SGSM3: variants seen among roughly 807,000 people sequenced by gnomAD.
The protein encoded by SGSM3 is RUN and SH3 containing 3.
A neutral mutation model predicts 100.5 loss-of-function variants in SGSM3; 96 were observed. The observed-to-expected ratio is 0.96, with a 90% CI of 0.81 to 1.13. The LOEUF is 1.13. Ranked by LOEUF, SGSM3 falls within the 50% of genes most tolerant of loss-of-function variation. SGSM3 has a pLI of 0.00. For missense variants in SGSM3, 1,001 were observed against 1,015.8 expected (o/e 0.99, Z 0.20); for synonymous variants, 483 against 422.8 (o/e 1.14, Z -1.75).
chr22:40,373,181 C>T (rs2045914944), intron 1 of SGSM3, among the ~76,000 whole-genome samples: 1 of 152,160 alleles, frequency 6.6e-6, no homozygotes, highest in African/African-American at 2.4e-5. Context: ...GTGACAGGGC[C>T]AGAATTTAAG....
At position 40,399,271 on chromosome 22, in the gene SGSM3, C is replaced by T. The variant is rs1419833083; in HGVS notation, c.-111-1425C>T. ...AAAGTGCTGGGATTACAGGCGTGAG[C>T]CACCGCGCCCAGCCAAGATGTCTTT... On this transcript the variant is annotated intron_variant, in intron 1 of 21. Coordinates refer to ENST00000248929, the MANE Select transcript of SGSM3 (RefSeq NM_015705.6). Among the ~76,000 whole-genome samples the T allele has an allele frequency of 3.3e-5, 5 of 152,036 alleles. No homozygotes were observed. The East Asian group carries it at 9.7e-4, about 30-fold the overall frequency.
intron 7 of SGSM3, 48 bp from the exon 8 acceptor site, chr22:40,405,601 C>A: frequency 6.5e-7 from 1 of 1,549,840 alleles, no homozygotes; most frequent in East Asian, 2.3e-5. Flanking sequence ...CTTTTCTAAT[C>A]TGCACAAAGA....
intron 1 of SGSM3, among the ~76,000 whole-genome samples, chr22:40,389,600 GAAAAAAAAAAAAA>G (rs71326802): frequency 5.9e-5 from 2 of 33,644 alleles, no homozygotes; most frequent in African/African-American, 1.3e-4. Flanking sequence ...CTCCGTCTCA[GAAAAAAAAAAAAA>G]AAAAAAAAAA....
intron 3 of SGSM3, among the ~76,000 whole-genome samples, chr22:40,401,902 A>G (rs1170155595): frequency 5.3e-5 from 8 of 152,226 alleles, no homozygotes. Context: ...TCTTGCCTTG[A>G]TTTTATTATC....
At chr22:40,394,176 C>T (rs2049742243) in intron 1 of SGSM3, among the ~76,000 whole-genome samples, 1 of 152,218 alleles carries the variant, frequency 6.6e-6, no homozygotes, top group South Asian at 2.1e-4. Flanking sequence ...CTAGTTCTGA[C>T]ATCTGTGAAC....
chr22:40,406,469 C>A lies in SGSM3; in HGVS notation c.992C>A (p.Ala331Asp), dbSNP rs1205030438. The A allele has an allele frequency of 6.3e-7, 1 of 1,597,404 alleles. No homozygotes were observed. The highest frequency in any genetic ancestry group is 8.5e-7 in the Non-Finnish European group (1 of 1,169,762). ...EEELIQSENS[A>D]SIFNTLSDIP... ...GAGCTGATCCAGTCAGAGAACTCGG[C>A]CTCCATCTTCAACACGCTATCGGAT... The change falls in exon 10 of 22, where the codon GCC (alanine) becomes GAC (aspartate). Residue 331 changes from alanine to aspartate, a missense_variant. Coordinates refer to ENST00000248929, the MANE Select transcript of SGSM3 (RefSeq NM_015705.6).
intron 19 of SGSM3, 43 bp from the exon 20 acceptor site, chr22:40,409,207 G>A: frequency 6.4e-7 from 1 of 1,567,508 alleles, no homozygotes. Flanking sequence ...AGCCAGAAGG[G>A]CCTGGAGCTG....
chr22:40,376,434 G>C (rs2046616183), intron 1 of SGSM3: 1 of 151,916 alleles, frequency 6.6e-6, no homozygotes, highest in Non-Finnish European at 1.5e-5. Context: ...GATTACAGGT[G>C]CATGCCACTG....
intron 1 of SGSM3, among the ~76,000 whole-genome samples, chr22:40,375,014 C>T (rs578000795): frequency 6.6e-6 from 1 of 152,284 alleles, no homozygotes; most frequent in African/African-American, 2.4e-5. Flanking sequence ...TAATCACCTC[C>T]CCTTTTTGAA....
intron 1 of SGSM3, among the ~76,000 whole-genome samples, chr22:40,374,277 A>T (rs1387776727): frequency 6.6e-6 from 1 of 152,050 alleles, no homozygotes; most frequent in African/African-American, 2.4e-5. Context: ...ATAGTTTGAG[A>T]GTTGGGGAAG....
rs1409193856 is a variant in SGSM3, at chr22:40,405,693, C to G, written c.663C>G (p.Phe221Leu). 3 of 1,613,664 alleles carry G rather than the reference C, an allele frequency of 1.9e-6. No individual in the cohort carries two copies. The part of the protein sequence containing the change: ...LLLFLEEEDA[F>L]WMMSAIIEDL... ...TGTTCCTGGAGGAGGAGGACGCCTT[C>G]TGGATGATGTCTGCCATCATCGAGG... Residue 221 changes from phenylalanine (F) to leucine (L), a missense_variant, in exon 8 of 22, where the codon TTC becomes TTG. By Grantham distance (22) the Phe-to-Leu change is conservative (BLOSUM62 0). Coordinates refer to ENST00000248929, the MANE Select transcript of SGSM3 (RefSeq NM_015705.6).
At chr22:40,387,739 C>T (rs987182098) in intron 1 of SGSM3, among the ~76,000 whole-genome samples, 1 of 152,050 alleles carries the variant, frequency 6.6e-6, no homozygotes, top group East Asian at 1.9e-4. Flanking sequence ...TTATCCTTTC[C>T]GGAAACTGCC....
In SGSM3 at chr22:40,409,462, T is replaced by C. The variant is rs952245228; in HGVS notation, c.2112-3T>C. The stretch of plus-strand genomic sequence containing the variant: ...AGCCTTACCACCCCTTCCTCACCTC[T>C]AGAGTCCTCTGCTGCTTTGCCTTCA... On this transcript the variant is annotated splice_region_variant and splice_polypyrimidine_tract_variant and intron_variant, in intron 20 of 21. Transcript: ENST00000248929. 4 of 1,579,628 alleles carry C rather than the reference T, an allele frequency of 2.5e-6. No individual in the cohort carries two copies. Among genetic ancestry groups the C allele is most frequent in the African/African-American group, 2.7e-5 (2 of 73,268 alleles).
intron 4 of SGSM3, 69 bp from the exon 5 acceptor site, chr22:40,404,178 A>G: frequency 7.5e-7 from 1 of 1,333,174 alleles, no homozygotes; most frequent in Non-Finnish European, 1.0e-6. Context: ...CTGAAGACGG[A>G]GGCTTGGCTG....
rs1002229818 is a variant in SGSM3 at position 40,405,557 on chromosome 22, CT to C, written c.619-88del. 5.9e-5 allele frequency: 72 copies of C among 1,222,218 alleles called. No individual in the cohort carries two copies. In the African/African-American group the frequency reaches 9.4e-4, roughly 16 times the overall value. 75.7% of individuals were successfully genotyped at this position (1,222,218 alleles called of 1,614,324 possible). A position where few individuals can be genotyped will look rare whatever the true frequency, so the allele number is the denominator to read the frequency against. On this transcript the variant is annotated intron_variant, in intron 7 of 21. Coordinates refer to ENST00000248929, the MANE Select transcript of SGSM3 (RefSeq NM_015705.6). ...TCCAGCATGCGTGCCCCCCAAGAGG[CT>C]TTTGCTAATTGGTCTCCCTAGGGTA...
At chr22:40,388,362 A>G (rs901071150) in intron 1 of SGSM3, 3 of 152,238 alleles carry the variant, frequency 2.0e-5, no homozygotes, top group Non-Finnish European at 4.4e-5. Context: ...CTGTCTTTAC[A>G]TATTGCTGAG....
intron 1 of SGSM3, among the ~76,000 whole-genome samples, chr22:40,375,167 A>G (rs1479965727): frequency 6.6e-6 from 1 of 152,170 alleles, no homozygotes; most frequent in Non-Finnish European, 1.5e-5. Context: ...TGCTTTTTCT[A>G]AGTGTGATAC....
intron 4 of SGSM3, among the ~76,000 whole-genome samples, chr22:40,403,321 G>A (rs1360074826): frequency 1.3e-5 from 2 of 152,174 alleles, no homozygotes; most frequent in Admixed American, 6.6e-5. Flanking sequence ...GGGTTGCTGG[G>A]CTGCCACAGG....
Position 40,405,746 on chromosome 22 carries a change from C to T in SGSM3, c.716C>T (p.Thr239Ile). 1 of 1,613,822 alleles carries T rather than the reference C, an allele frequency of 6.2e-7. No homozygotes were observed. The stretch of plus-strand genomic sequence containing the variant: ...CTGCTCCCCGCCTCCTACTTCAGCA[C>T]CACCCTGCTGGGTGTCCAGACTGAC... ...EDLLPASYFS[T>I]TLLGVQTDQR... is the part of the protein sequence containing the mutation. Residue 239 changes from threonine (T) to isoleucine (I), a missense_variant, in exon 8 of 22, where the codon ACC becomes ATC. Coordinates refer to ENST00000248929, the MANE Select transcript of SGSM3 (RefSeq NM_015705.6).
Sources: allele counts gnomAD v4.1 joint callset (sites outside exome capture counted in the v4.1 genomes callset), GRCh38; gene constraint gnomAD v4.1.1; transcripts MANE v1.5; gene names NCBI Gene and HGNC (gene_info 2026-07-23, HGNC 2026-07-21).